The following RAD51B variants were observed in gnomAD, a reference collection of about 807,000 sequenced individuals.
RAD51B encodes DNA repair protein RAD51 homolog 2.
RAD51B carries 38 observed loss-of-function variants against 42.2 expected under a neutral mutation model. That is an observed-to-expected ratio of 0.90 (90% confidence interval 0.70 to 1.18). The LOEUF is 1.18. RAD51B is among the 50% of genes most tolerant of loss of function. The pLI, the probability that RAD51B is intolerant of heterozygous loss-of-function variation, is 0.00. For missense variants in RAD51B, 373 were observed against 400.7 expected, an observed-to-expected ratio of 0.93 and a Z score of 0.59; for synonymous variants, 154 against 145.2, an observed-to-expected ratio of 1.06 and a Z score of -0.43.
intron 7 of RAD51B, among the ~76,000 whole-genome samples, chr14:68,087,939 T>TATTATATATAATTATATAATA (rs1566634458): frequency 1.3e-5 from 1 of 76,120 alleles, no homozygotes; most frequent in African/African-American, 9.2e-5. Context: ...ATTATATAAT[T>TATTATATATAATTATATAATA]TATTATTATA....
chr14:67,841,765 C>G (rs533580254), intron 4 of RAD51B, among the ~76,000 whole-genome samples: 1 of 152,228 alleles, frequency 6.6e-6, no homozygotes, highest in Admixed American at 6.5e-5. Flanking sequence ...CTATTCTGTT[C>G]CATTGATCAC....
intron 9 of RAD51B, among the ~76,000 whole-genome samples, chr14:68,453,058 G>T (rs1031268873): frequency 1.3e-5 from 2 of 152,138 alleles, no homozygotes; most frequent in African/African-American, 4.8e-5. Flanking sequence ...ATGTGTGTGT[G>T]TGTGCACATG....
intron 7 of RAD51B, among the ~76,000 whole-genome samples, chr14:68,269,950 G>C (rs2139580484): frequency 6.6e-6 from 1 of 152,308 alleles, no homozygotes; most frequent in East Asian, 1.9e-4. Context: ...GAAGCTTCTG[G>C]TCATGCACAA....
intron 9 of RAD51B, among the ~76,000 whole-genome samples, chr14:68,438,218 G>C (rs1308377239): frequency 2.6e-5 from 4 of 152,118 alleles, no homozygotes; most frequent in African/African-American, 9.7e-5. Context: ...TTTGAAATAA[G>C]ATGCAAAGAA....
At chr14:68,272,480 A>G (rs1273472958) in intron 7 of RAD51B, among the ~76,000 whole-genome samples, 1 of 151,268 alleles carries the variant, frequency 6.6e-6, no homozygotes, top group Non-Finnish European at 1.5e-5. Flanking sequence ...TGTATATGAC[A>G]AATAGAATGA....
chr14:68,574,038 C>G (rs897846892), intron 10 of RAD51B, among the ~76,000 whole-genome samples: 15 of 151,866 alleles, frequency 9.9e-5, no homozygotes, highest in Admixed American at 7.9e-4. Flanking sequence ...CTCCATTGCT[C>G]TCCTCTCCAC....
At chr14:68,171,576 C>T (rs1004375965) in intron 7 of RAD51B, among the ~76,000 whole-genome samples, 3 of 152,054 alleles carry the variant, frequency 2.0e-5, no homozygotes, top group African/African-American at 7.2e-5. Flanking sequence ...GCTGGGATTA[C>T]AGGCATAAGA....
intron 7 of RAD51B, among the ~76,000 whole-genome samples, chr14:68,214,161 G>A (rs1420230716): frequency 2.6e-5 from 4 of 152,204 alleles, no homozygotes; most frequent in African/African-American, 7.2e-5. Flanking sequence ...AGGAGAAAGT[G>A]TGCATCCTGA....
intron 7 of RAD51B, among the ~76,000 whole-genome samples, chr14:68,080,495 AG>A (rs1374646281): frequency 6.6e-6 from 1 of 152,226 alleles, no homozygotes; most frequent in East Asian, 1.9e-4. Flanking sequence ...ATCAAAACCC[AG>A]GCCCCAGACC....
intron 7 of RAD51B, among the ~76,000 whole-genome samples, chr14:68,069,199 A>G (rs969264556): frequency 6.6e-6 from 1 of 152,154 alleles, no homozygotes; most frequent in Non-Finnish European, 1.5e-5. Context: ...GATCAGAGCT[A>G]TGGTTTATAA....
chr14:68,361,371 A>T (rs992923290), intron 8 of RAD51B, among the ~76,000 whole-genome samples: 2 of 152,170 alleles, frequency 1.3e-5, no homozygotes, highest in Non-Finnish European at 2.9e-5. Flanking sequence ...CTCTGATTAG[A>T]TGCTCAATAA....
downstream of RAD51B, among the ~76,000 whole-genome samples, chr14:68,597,404 C>T (rs577416885): frequency 6.6e-6 from 1 of 152,272 alleles, no homozygotes; most frequent in East Asian, 1.9e-4. Context: ...TAAAATGAGA[C>T]TCCCACCCTA....
chr14:68,524,338 A>C (rs1886786619), intron 10 of RAD51B, among the ~76,000 whole-genome samples: 2 of 152,236 alleles, frequency 1.3e-5, no homozygotes, highest in Non-Finnish European at 2.9e-5. Context: ...GGACAGACTG[A>C]AACTGAGAGA....
chr14:68,297,092 C>A (rs557047065), intron 8 of RAD51B, among the ~76,000 whole-genome samples: 1 of 152,292 alleles, frequency 6.6e-6, no homozygotes, highest in African/African-American at 2.4e-5. Context: ...AAGCTGGAGT[C>A]CATTTGAAAG....
intron 7 of RAD51B, among the ~76,000 whole-genome samples, chr14:68,162,343 TAA>T (rs1203444996): frequency 7.1e-4 from 108 of 152,302 alleles, no homozygotes; most frequent in Middle Eastern, 6.8e-3. Context: ...CATTCTAAAA[TAA>T]GTCCTATAAT....
At chr14:68,542,592 C>T (rs1024333202) in intron 10 of RAD51B, among the ~76,000 whole-genome samples, 2 of 152,158 alleles carry the variant, frequency 1.3e-5, no homozygotes, top group Non-Finnish European at 2.9e-5. Context: ...AATCTTGCCA[C>T]AAGATATCTC....
intron 10 of RAD51B, among the ~76,000 whole-genome samples, chr14:68,590,994 C>T (rs189513134): frequency 2.5e-3 from 387 of 152,324 alleles, no homozygotes; most frequent in Middle Eastern, 6.8e-3. Flanking sequence ...CCCTCCCCTC[C>T]GGTTCCTGCC....
chr14:68,057,183 A>G (rs116943900), intron 7 of RAD51B, among the ~76,000 whole-genome samples: 2 of 152,116 alleles, frequency 1.3e-5, no homozygotes, highest in Non-Finnish European at 2.9e-5. Flanking sequence ...GTAAAATTGG[A>G]TCTCAGCTTC....
chr14:68,326,038 C>CTTTTTTTTT (rs763428544), intron 8 of RAD51B, among the ~76,000 whole-genome samples: 15 of 80,456 alleles, frequency 1.9e-4, no homozygotes, highest in South Asian at 4.7e-4. Context: ...TTTTTCTTTT[C>CTTTTTTTTT]TTTTTTTTTT....
Sources: allele counts gnomAD v4.1 joint callset (sites outside exome capture counted in the v4.1 genomes callset), GRCh38; gene constraint gnomAD v4.1.1; transcripts MANE v1.5; gene names NCBI Gene and HGNC (gene_info 2026-07-23, HGNC 2026-07-21).